The following SLC9A9 variants were observed in gnomAD, a reference collection of about 807,000 sequenced individuals.
SLC9A9 encodes sodium/hydrogen exchanger 9.
In SLC9A9, 62 loss-of-function variants were observed where a neutral mutation model predicts 77.8. That is an observed-to-expected ratio of 0.80 (90% CI 0.65 to 0.98). The LOEUF (loss-of-function observed/expected upper bound fraction) is 0.98. Among genes scored for constraint, SLC9A9 ranks in the 50% least tolerant of loss-of-function variants. SLC9A9 has a pLI of 0.00. For missense variants in SLC9A9, 775 were observed against 774.9 expected (o/e 1.00, Z 0.00); for synonymous variants, 320 against 283.5 (o/e 1.13, Z -1.29).
intron 6 of SLC9A9, among the ~76,000 whole-genome samples, chr3:143,584,325 T>C (rs1367641972): frequency 2.0e-5 from 3 of 152,052 alleles, no homozygotes; most frequent in Non-Finnish European, 4.4e-5. Flanking sequence ...CACAGGATGC[T>C]CTCCCTGACC....
chr3:143,342,206 C>G (rs926871793), intron 14 of SLC9A9: 9 of 151,976 alleles, frequency 5.9e-5, no homozygotes, highest in Admixed American at 2.6e-4. Context: ...TTTTTTGAGA[C>G]AGTGTCTAAC....
Position 143,578,675 on chromosome 3 carries a change from G to A in SLC9A9, c.804C>T (p.Ala268=), listed in dbSNP as rs759374253. The change falls in exon 7 of 16, where the codon GCC becomes GCT. Residue 268 remains alanine, a synonymous_variant. Transcript: ENST00000316549. ...TCCCCACAGACTGGAAGAATGCTGC[G>A]GCATCAAATGCATTTGGATTCTCCT... ...SPKENPNAFD[A]AAFFQSVGNF... 8.7e-6 allele frequency: 14 copies of A among 1,613,936 alleles called. No individual in the cohort carries two copies. Among genetic ancestry groups the A allele is most frequent in the Admixed American group, 8.3e-5 (5 of 59,990 alleles).
chr3:143,387,137 C>T (rs1440193381), intron 12 of SLC9A9, among the ~76,000 whole-genome samples: 2 of 151,970 alleles, frequency 1.3e-5, no homozygotes, highest in Admixed American at 6.6e-5. Context: ...CACTGTGCCT[C>T]GCCTGGTTTG....
At chr3:143,266,959 T>C in intron 15 of SLC9A9, 30 bp from the exon 16 acceptor site, 1 of 1,607,452 alleles carries the variant, frequency 6.2e-7, no homozygotes, top group East Asian at 2.2e-5. Flanking sequence ...GAGGTGTCAC[T>C]TCATGATGAA....
intron 8 of SLC9A9, among the ~76,000 whole-genome samples, chr3:143,569,806 GT>G (rs1202019056): frequency 2.1e-5 from 3 of 143,596 alleles, no homozygotes; most frequent in South Asian, 2.2e-4. Flanking sequence ...TTCTTTTATT[GT>G]TTTTTTCTTT....
chr3:143,374,516 AT>A (rs1440761147), intron 13 of SLC9A9, among the ~76,000 whole-genome samples: 2 of 151,824 alleles, frequency 1.3e-5, no homozygotes, highest in East Asian at 3.8e-4. Flanking sequence ...GAAGACAACC[AT>A]CAAACCAGAA....
intron 14 of SLC9A9, chr3:143,342,357 G>C (rs996830929): frequency 6.6e-6 from 1 of 152,144 alleles, no homozygotes; most frequent in African/African-American, 2.4e-5. Context: ...GCTAATTTTT[G>C]TATTTTTAGT....
intron 5 of SLC9A9, 25 bp from the exon 6 acceptor site, chr3:143,652,385 AG>A: frequency 1.9e-6 from 3 of 1,587,316 alleles, no homozygotes; most frequent in Non-Finnish European, 2.6e-6. Flanking sequence ...ACAAACATGC[AG>A]GTTAGCTTGG....
At chr3:143,384,881 A>T (rs1183950600) in intron 12 of SLC9A9, among the ~76,000 whole-genome samples, 2 of 152,232 alleles carry the variant, frequency 1.3e-5, no homozygotes, top group Non-Finnish European at 2.9e-5. Flanking sequence ...TAATATAAAA[A>T]ATGTACCACA....
chr3:143,821,925 G>A (rs2009175411), intron 2 of SLC9A9, among the ~76,000 whole-genome samples: 1 of 152,200 alleles, frequency 6.6e-6, no homozygotes. Context: ...GCCCGGCACT[G>A]TGCTGTGCCA....
At chr3:143,725,937 A>G (rs6440187) in intron 4 of SLC9A9, among the ~76,000 whole-genome samples, 137,453 of 151,844 alleles carry the variant, frequency 0.91, 62,277 homozygotes, top group East Asian at 1. Flanking sequence ...AAAAAGACTG[A>G]TATAATTTTA....
At chr3:143,782,112 T>C (rs1576722215) in intron 4 of SLC9A9, among the ~76,000 whole-genome samples, 1 of 152,338 alleles carries the variant, frequency 6.6e-6, no homozygotes, top group East Asian at 1.9e-4. Flanking sequence ...TTGACCCAGA[T>C]ATGTGCACAG....
intron 9 of SLC9A9, among the ~76,000 whole-genome samples, chr3:143,548,940 G>T (rs1160419136): frequency 6.6e-6 from 1 of 152,128 alleles, no homozygotes; most frequent in African/African-American, 2.4e-5. Flanking sequence ...TAACTCAAAG[G>T]TGATTTACAT....
At chr3:143,618,019 T>G (rs2038136126) in intron 6 of SLC9A9, among the ~76,000 whole-genome samples, 1 of 152,078 alleles carries the variant, frequency 6.6e-6, no homozygotes, top group African/African-American at 2.4e-5. Context: ...CAGAAAGGAT[T>G]GAGGGAGATC....
At chr3:143,847,769 A>ACT (rs2009860121) in intron 1 of SLC9A9, 1 of 228,932 alleles carries the variant, frequency 4.4e-6, no homozygotes, top group African/African-American at 2.3e-5. Flanking sequence ...TTTTTCTAGA[A>ACT]CTTCGTAATG....
chr3:143,621,512 A>G (rs1283385072), intron 6 of SLC9A9, among the ~76,000 whole-genome samples: 3 of 152,228 alleles, frequency 2.0e-5, no homozygotes, highest in African/African-American at 7.2e-5. Context: ...CAGGGTCTGG[A>G]GTGGACCTCC....
At chr3:143,710,290 A>T (rs1380035491) in intron 4 of SLC9A9, among the ~76,000 whole-genome samples, 1 of 152,236 alleles carries the variant, frequency 6.6e-6, no homozygotes, top group Non-Finnish European at 1.5e-5. Context: ...AAGCAGCAAG[A>T]GGGGATCCTT....
intron 14 of SLC9A9, among the ~76,000 whole-genome samples, chr3:143,284,192 C>T (rs572981103): frequency 1.1e-4 from 17 of 152,170 alleles, no homozygotes; most frequent in African/African-American, 2.2e-4. Flanking sequence ...CATTTACTTA[C>T]GATTATTTAC....
chr3:143,450,992 G>C (rs1259545090), intron 12 of SLC9A9, among the ~76,000 whole-genome samples: 1 of 152,056 alleles, frequency 6.6e-6, no homozygotes, highest in Non-Finnish European at 1.5e-5. Context: ...GACATGAAGT[G>C]ACCCCTAATG....
Sources: allele counts gnomAD v4.1 joint callset (sites outside exome capture counted in the v4.1 genomes callset), GRCh38; gene constraint gnomAD v4.1.1; transcripts MANE v1.5; gene names NCBI Gene and HGNC (gene_info 2026-07-23, HGNC 2026-07-21).